The following FSTL4 variants were observed in gnomAD, a reference collection of about 807,000 sequenced individuals.
FSTL4 encodes follistatin-related protein 4.
In FSTL4, 28 loss-of-function variants were observed where a neutral mutation model predicts 78.2. The observed-to-expected ratio is 0.36, with a 90% CI of 0.27 to 0.49. The LOEUF (loss-of-function observed/expected upper bound fraction) is 0.49. FSTL4 is among the 20% of genes least tolerant of loss of function. The pLI is 0.98. For synonymous variants in FSTL4, 422 were observed against 440.5 expected, an observed-to-expected ratio of 0.96 and a Z score of 0.53; for missense variants, 922 against 1,084.9, an observed-to-expected ratio of 0.85 and a Z score of 2.11.
intron 7 of FSTL4, among the ~76,000 whole-genome samples, chr5:133,234,666 G>T (rs1751601127): frequency 6.6e-6 from 1 of 152,182 alleles, no homozygotes; most frequent in Non-Finnish European, 1.5e-5. Flanking sequence ...TGAGCAAGGG[G>T]GTTGTGCACT....
intron 4 of FSTL4, among the ~76,000 whole-genome samples, chr5:133,384,991 C>A (rs1755664560): frequency 1.3e-5 from 2 of 152,182 alleles, no homozygotes; most frequent in Admixed American, 1.3e-4. Flanking sequence ...GTACTCAGTC[C>A]AGATGGCACC....
chr5:133,331,404 G>A (rs1213881486), intron 4 of FSTL4, among the ~76,000 whole-genome samples: 2 of 152,240 alleles, frequency 1.3e-5, no homozygotes, highest in Admixed American at 1.3e-4. Context: ...TGATGTGAGG[G>A]GTGCCTGGAC....
chr5:133,575,823 C>T (rs1004322181), intron 2 of FSTL4, among the ~76,000 whole-genome samples: 10 of 152,186 alleles, frequency 6.6e-5, no homozygotes, highest in Non-Finnish European at 1.5e-4. Context: ...ATTTCTTTAA[C>T]TAAAAATCTA....
intron 6 of FSTL4, among the ~76,000 whole-genome samples, chr5:133,303,933 G>A (rs1280275237): frequency 6.6e-6 from 1 of 152,342 alleles, no homozygotes; most frequent in East Asian, 1.9e-4. Flanking sequence ...CAAGGAGGCA[G>A]TGGGCTTGGG....
intron 14 of FSTL4, chr5:133,209,958 C>T (rs1044013832): frequency 4.8e-6 from 2 of 413,282 alleles, no homozygotes; most frequent in African/African-American, 4.0e-5. Context: ...GATTGGGTGC[C>T]ACATTCTGAT....
chr5:133,747,259 G>A, the FSTL4 span, among the ~76,000 whole-genome samples: 1 of 152,170 alleles, frequency 6.6e-6, no homozygotes, highest in Non-Finnish European at 1.5e-5. Flanking sequence ...ATTTGCCAAG[G>A]AAATTATTCT....
chr5:133,675,998 C>T, the FSTL4 span, among the ~76,000 whole-genome samples: 1 of 152,162 alleles, frequency 6.6e-6, no homozygotes, highest in African/African-American at 2.4e-5. Context: ...CACCTAGACA[C>T]AGGCCCTCCC....
Position 133,199,206 on chromosome 5 carries a change from G to T in FSTL4, c.2418C>A (p.Leu806=). ...GGAACAGTGACTCTCGGGCTGGTGTGAGGAGGTACTGTCCAAACAGCCCAC... is the reference window on the plus strand; with the variant it reads ...GGAACAGTGACTCTCGGGCTGGTGTTAGGAGGTACTGTCCAAACAGCCCAC... ...RDSGLFGQYL[L]TPARESLFLI... The change falls in exon 16 of 16, where the codon CTC becomes CTA. Residue 806 remains leucine, a synonymous_variant. Coordinates refer to ENST00000265342, the MANE Select transcript of FSTL4 (RefSeq NM_015082.2). This position sits in a 1 kb window ranked among gnomAD's most constrained non-coding sequence, Gnocchi z 4.4. 1 of 1,613,326 alleles carries T rather than the reference G, an allele frequency of 6.2e-7. No homozygotes were observed. Among genetic ancestry groups the T allele is most frequent in the Non-Finnish European group, 8.5e-7 (1 of 1,179,428 alleles).
At position 133,282,423 on chromosome 5, in the gene FSTL4, G is replaced by A. The variant is rs140017069; in HGVS notation, c.727+30231C>T. 6.8e-3 allele frequency among the ~76,000 whole-genome samples: 1,038 copies of A among 152,262 alleles called. 9 individuals carry two copies. The highest frequency in any genetic ancestry group is 0.01 in the Non-Finnish European group (710 of 67,998). On this transcript the variant is annotated intron_variant, in intron 6 of 15. Transcript: ENST00000265342. ...GGAGAAGCCACCAGTTCTGGTTTCTGGCCAGCTCACAGTTGCATTGTTGAG... is the reference window on the plus strand; with the variant it reads ...GGAGAAGCCACCAGTTCTGGTTTCTAGCCAGCTCACAGTTGCATTGTTGAG...
the FSTL4 span, among the ~76,000 whole-genome samples, chr5:133,646,893 AC>A: frequency 6.6e-6 from 1 of 152,036 alleles, no homozygotes; most frequent in African/African-American, 2.4e-5. Flanking sequence ...AAAAAGCTGT[AC>A]CATTTTCGTC....
At chr5:133,204,265 C>T (rs1750421405) in intron 14 of FSTL4, among the ~76,000 whole-genome samples, 1 of 152,210 alleles carries the variant, frequency 6.6e-6, no homozygotes, top group Non-Finnish European at 1.5e-5. Context: ...CCTTCCAAAC[C>T]TGGGTGCTGA....
At chr5:133,423,632 C>T (rs29545) in intron 3 of FSTL4, among the ~76,000 whole-genome samples, 138,323 of 152,226 alleles carry the variant, frequency 0.91, 63,064 homozygotes, top group African/African-American at 0.98. Context: ...TGATGGCTAA[C>T]GGTGGTGGAG....
chr5:133,692,289 T>A, the FSTL4 span, among the ~76,000 whole-genome samples: 1 of 151,546 alleles, frequency 6.6e-6, no homozygotes, highest in East Asian at 1.9e-4. Context: ...GTGCCTGGAG[T>A]GGACGAAACA....
At chr5:133,351,374 T>C (rs1754819679) in intron 4 of FSTL4, among the ~76,000 whole-genome samples, 1 of 152,234 alleles carries the variant, frequency 6.6e-6, no homozygotes, top group Non-Finnish European at 1.5e-5. Context: ...AAAGTATTTT[T>C]CAATTCTGGA....
the FSTL4 span, among the ~76,000 whole-genome samples, chr5:133,669,582 G>C: frequency 7.2e-5 from 11 of 152,344 alleles, no homozygotes; most frequent in African/African-American, 2.6e-4. Flanking sequence ...GTGTGGCTGA[G>C]GACCCACCTG....
chr5:133,337,218 A>T (rs1754483045), intron 4 of FSTL4, among the ~76,000 whole-genome samples: 1 of 152,228 alleles, frequency 6.6e-6, no homozygotes, highest in Non-Finnish European at 1.5e-5. Flanking sequence ...CAGGATGATG[A>T]GGCAAACCAT....
chr5:133,600,885 TA>T (rs1419144466), intron 2 of FSTL4, among the ~76,000 whole-genome samples: 2 of 152,230 alleles, frequency 1.3e-5, no homozygotes, highest in Admixed American at 1.3e-4. Flanking sequence ...GTTTTTCACT[TA>T]TTTAGAGTCT....
intron 2 of FSTL4, among the ~76,000 whole-genome samples, chr5:133,601,691 T>A (rs1421308958): frequency 1.4e-5 from 2 of 148,044 alleles, no homozygotes; most frequent in Non-Finnish European, 3.0e-5. Flanking sequence ...TCTTTCTTTT[T>A]TTTTTTTCTC....
intron 6 of FSTL4, chr5:133,276,011 A>T (rs1229211678): frequency 6.6e-6 from 1 of 152,200 alleles, no homozygotes; most frequent in Non-Finnish European, 1.5e-5. Context: ...TTCATTTATA[A>T]ATTTGTTTTA....
Sources: gnomAD v4.1 joint callset for allele counts (sites outside exome capture counted in the v4.1 genomes callset) on GRCh38, gnomAD v4.1.1 for gene constraint, Gnocchi (gnomAD v3.1) non-coding constraint, MANE v1.5 for transcripts, NCBI Gene and HGNC (gene_info 2026-07-23, HGNC 2026-07-21) for gene names.